Variants in INPP5D observed in about 807,000 individuals in gnomAD.
The protein encoded by INPP5D is inositol polyphosphate-5-phosphatase D.
A neutral mutation model predicts 122.9 loss-of-function variants in INPP5D; 33 were observed. That is an observed-to-expected ratio of 0.27 (90% confidence interval 0.20 to 0.36). INPP5D has a LOEUF of 0.36. Ranked by LOEUF, INPP5D falls within the 10% of genes least tolerant of loss-of-function variation. INPP5D has a pLI of 1.00. For missense variants in INPP5D, 1,053 were observed against 1,412.7 expected (o/e 0.75, Z 4.08); for synonymous variants, 584 against 576.2 (o/e 1.01, Z -0.19).
intron 20 of INPP5D, among the ~76,000 whole-genome samples, 171 bp from the exon 21 acceptor site, chr2:233,185,672 C>T (rs1220346926): frequency 6.8e-6 from 1 of 147,426 alleles, no homozygotes; most frequent in Non-Finnish European, 1.5e-5. Context: ...AAAACAGAAT[C>T]CCCGGCAGGC....
intron 11 of INPP5D, among the ~76,000 whole-genome samples, chr2:233,162,819 A>C (rs565346208): frequency 6.6e-6 from 1 of 152,276 alleles, no homozygotes; most frequent in Admixed American, 6.5e-5. Context: ...CCAGTGCCCC[A>C]GGGGGTCACT....
At chr2:233,127,204 C>T (rs1450958563) in intron 4 of INPP5D, among the ~76,000 whole-genome samples, 1 of 152,206 alleles carries the variant, frequency 6.6e-6, no homozygotes, top group Non-Finnish European at 1.5e-5. Flanking sequence ...AGGGTCGGGG[C>T]ATGGGCTGAG....
At chr2:233,161,918 C>A in intron 11 of INPP5D, 92 bp downstream of exon 11, 1 of 1,496,146 alleles carries the variant, frequency 6.7e-7, no homozygotes, top group Non-Finnish European at 9.0e-7. Flanking sequence ...TGACGACATC[C>A]ATGTCCCCTT....
chr2:233,139,131 A>G (rs1008126255), intron 5 of INPP5D, among the ~76,000 whole-genome samples: 5,176 of 152,264 alleles, frequency 0.034, 175 homozygotes, highest in East Asian at 0.18. Flanking sequence ...ACATTTACTC[A>G]ATAGACTATT....
At position 233,170,553 on chromosome 2, in the gene INPP5D, C is replaced by T; in HGVS notation, c.1849C>T (p.His617Tyr). The T allele has an allele frequency of 6.2e-7, 1 of 1,613,742 alleles. No individual in the cohort carries two copies. Among genetic ancestry groups the T allele is most frequent in the South Asian group, 1.1e-5 (1 of 91,064 alleles). ...GCAGCAGTACGCAGACCTCCTGTCC[C>T]ACGACCAGCTGCTCACAGAGAGGAG... ...KQQQYADLLS[H>Y]DQLLTERREQ... The change falls in exon 16 of 27, where the codon CAC (histidine) becomes TAC (tyrosine). Residue 617 changes from histidine to tyrosine, a missense_variant. His to Tyr is a moderately conservative substitution (Grantham distance 83, BLOSUM62 2). Around this residue, in one of 6 missense-constraint regions of INPP5D, gnomAD observed 258 missense variants for 439.1 expected, o/e 0.59. Coordinates refer to ENST00000445964, the MANE Select transcript of INPP5D (RefSeq NM_001017915.3). This position sits in a 1 kb window ranked among gnomAD's most constrained non-coding sequence, Gnocchi z 4.5.
intron 2 of INPP5D, among the ~76,000 whole-genome samples, chr2:233,081,752 G>A (rs546134853): frequency 1.3e-5 from 2 of 152,224 alleles, no homozygotes; most frequent in East Asian, 3.9e-4. Context: ...TAGGGCCTTG[G>A]AACCAGAAGA....
chr2:233,187,031 T>A (rs750006791), intron 21 of INPP5D, among the ~76,000 whole-genome samples: 20 of 151,958 alleles, frequency 1.3e-4, no homozygotes, highest in African/African-American at 4.8e-5. Context: ...CATTTTTTTT[T>A]AAATTAGCCA....
At chr2:233,122,008 C>T in intron 2 of INPP5D, 99 bp from the exon 3 acceptor site, 2 of 1,395,806 alleles carry the variant, frequency 1.4e-6, no homozygotes, top group African/African-American at 1.4e-5. Context: ...ATCGCAGTCA[C>T]TCCCTCCGCC....
Position 233,196,561 on chromosome 2 carries a change from A to G in INPP5D, c.2693+1066A>G, listed in dbSNP as rs939397653. On this transcript the variant is annotated intron_variant, in intron 24 of 26. Coordinates refer to ENST00000445964, the MANE Select transcript of INPP5D (RefSeq NM_001017915.3). ...GTGGCCACCAAACCCCACCCTATCC[A>G]CTAGCAAGAAAAATCACTGGGGGAA... 2.6e-5 allele frequency among the ~76,000 whole-genome samples: 4 copies of G among 152,294 alleles called. No homozygotes were observed. In the East Asian group the frequency reaches 7.7e-4, roughly 29 times the overall value.
chr2:233,126,454 G>T (rs1002584863), intron 4 of INPP5D, among the ~76,000 whole-genome samples: 6 of 152,172 alleles, frequency 3.9e-5, no homozygotes, highest in Non-Finnish European at 8.8e-5. Context: ...GATACTTGGC[G>T]TGTTCCTATT....
At chr2:233,084,852 G>A (rs1559281474) in intron 2 of INPP5D, among the ~76,000 whole-genome samples, 1 of 152,214 alleles carries the variant, frequency 6.6e-6, no homozygotes, top group African/African-American at 2.4e-5. Context: ...TGGGCCCCAA[G>A]GGGGTCCGTG....
chr2:233,155,914 TCAGGGGCCCCACAAGACCACCCC>T (rs1268519213), intron 9 of INPP5D, among the ~76,000 whole-genome samples: 1 of 152,112 alleles, frequency 6.6e-6, no homozygotes, highest in Non-Finnish European at 1.5e-5. Flanking sequence ...ACGCCCTGTG[TCAGGGGCCCCACAAGACCACCCC>T]CAGGTTCTGT....
chr2:233,163,237 C>T (rs1394761330), intron 11 of INPP5D, among the ~76,000 whole-genome samples: 2 of 152,176 alleles, frequency 1.3e-5, no homozygotes, highest in African/African-American at 2.4e-5. Flanking sequence ...CACACTCTCC[C>T]GTTTCTCTGG....
intron 2 of INPP5D, among the ~76,000 whole-genome samples, chr2:233,114,417 G>A (rs72984271): frequency 0.08 from 12,159 of 152,284 alleles, 1,326 homozygotes; most frequent in African/African-American, 0.25. Context: ...GTTGCAGAGC[G>A]GGGAGAGGCC....
chr2:233,200,676 A>G (rs1210935711), intron 25 of INPP5D, among the ~76,000 whole-genome samples: 1 of 152,184 alleles, frequency 6.6e-6, no homozygotes, highest in African/African-American at 2.4e-5. Context: ...AGAAACGGAT[A>G]GGCCAGGCGC....
rs543207540 is a variant in INPP5D at position 233,127,758 on chromosome 2, G to A, written c.524+1839G>A. ...CAAGTAGCTGGGATTACAGCCATGC[G>A]CCACCACAACCAGCTAATTTTGTAT... On this transcript the variant is annotated intron_variant, in intron 4 of 26. Transcript: ENST00000445964. 3.3e-5 allele frequency among the ~76,000 whole-genome samples: 5 copies of A among 152,252 alleles called. No homozygotes were observed. The South Asian group carries it at 6.2e-4, about 19-fold the overall frequency.
intron 2 of INPP5D, among the ~76,000 whole-genome samples, chr2:233,107,562 A>T (rs528641197): frequency 6.6e-6 from 1 of 152,324 alleles, no homozygotes; most frequent in South Asian, 2.1e-4. Context: ...ATGCCAGGTG[A>T]TTCTGGGAAG....
At chr2:233,121,035 A>C (rs1255849479) in intron 2 of INPP5D, among the ~76,000 whole-genome samples, 1 of 152,082 alleles carries the variant, frequency 6.6e-6, no homozygotes, top group Non-Finnish European at 1.5e-5. Flanking sequence ...ACACTCACAA[A>C]TTCTAGAAAA....
At chr2:233,129,640 T>C (rs1221703936) in intron 4 of INPP5D, among the ~76,000 whole-genome samples, 1 of 152,120 alleles carries the variant, frequency 6.6e-6, no homozygotes, top group Non-Finnish European at 1.5e-5. Context: ...CACTACCTCA[T>C]TCCATATCCC....
Sources: gnomAD v4.1 joint callset for allele counts (sites outside exome capture counted in the v4.1 genomes callset) on GRCh38, gnomAD v4.1.1 for gene constraint, gnomAD v4.1.1 regional missense constraint, Gnocchi (gnomAD v3.1) non-coding constraint, MANE v1.5 for transcripts, NCBI Gene and HGNC (gene_info 2026-07-23, HGNC 2026-07-21) for gene names.